MC2R: variants seen among roughly 807,000 people sequenced by gnomAD.
MC2R encodes the protein adrenocorticotropic hormone receptor.
A neutral mutation model predicts 9.8 loss-of-function variants in MC2R; 9 were observed. That is an observed-to-expected ratio of 0.92 (90% CI 0.55 to 1.60). The LOEUF is 1.60. Among genes scored for constraint, MC2R ranks in the 40% most tolerant of loss-of-function variants. The probability of loss-of-function intolerance (pLI) is 0.00; values close to 1 mark genes in which losing one functional copy is unlikely to be tolerated. For missense variants in MC2R, 370 were observed against 389.0 expected, an observed-to-expected ratio of 0.95 and a Z score of 0.41; for synonymous variants, 185 against 154.7, an observed-to-expected ratio of 1.20 and a Z score of -1.45.
At chr18:13,885,888 C>T (rs777418558) in intron 1 of MC2R, among the ~76,000 whole-genome samples, 11 of 152,152 alleles carry the variant, frequency 7.2e-5, no homozygotes, top group African/African-American at 2.4e-4. Flanking sequence ...CAATGGAGTA[C>T]TCCCCAGCTA....
rs181720286 is a variant in MC2R at position 13,902,213 on chromosome 18, A to C, written c.-129+13275T>G. On this transcript the variant is annotated intron_variant, in intron 1 of 1. Coordinates refer to ENST00000327606, the MANE Select transcript of MC2R (RefSeq NM_000529.2). The stretch of plus-strand genomic sequence containing the variant: ...AAAATCCAACATCTCTTTATAATAA[A>C]ACCATCAAAAAAACTGGGTAGAGAA... Among the ~76,000 whole-genome samples the C allele has an allele frequency of 2.8e-4, 42 of 152,310 alleles. 1 individual carries two copies. In the East Asian group the frequency reaches 7.1e-3, roughly 26 times the overall value.
At chr18:13,898,365 C>T (rs1026138468) in intron 1 of MC2R, among the ~76,000 whole-genome samples, 2 of 152,202 alleles carry the variant, frequency 1.3e-5, no homozygotes, top group East Asian at 3.9e-4. Context: ...GACAATAGAA[C>T]ACTAGGTAGA....
At chr18:13,892,875 G>A (rs1394394664) in intron 1 of MC2R, among the ~76,000 whole-genome samples, 2 of 151,534 alleles carry the variant, frequency 1.3e-5, no homozygotes, top group African/African-American at 4.9e-5. Context: ...TGCCCAGGCT[G>A]GAATACAGTG....
intron 1 of MC2R, among the ~76,000 whole-genome samples, chr18:13,907,590 A>C (rs1205492071): frequency 6.6e-6 from 1 of 152,222 alleles, no homozygotes; most frequent in African/African-American, 2.4e-5. Context: ...GAGACAACTC[A>C]CAGAATGGGA....
chr18:13,896,678 A>C (rs530801806), intron 1 of MC2R, among the ~76,000 whole-genome samples: 1 of 152,336 alleles, frequency 6.6e-6, no homozygotes, highest in East Asian at 1.9e-4. Context: ...GTTATCACTA[A>C]ATATCTGGAG....
intron 1 of MC2R, among the ~76,000 whole-genome samples, chr18:13,890,675 T>G (rs2045310648): frequency 6.6e-6 from 1 of 152,188 alleles, no homozygotes; most frequent in South Asian, 2.1e-4. Context: ...TTGCATAAGT[T>G]GTACGGCCCA....
At chr18:13,888,930 G>A (rs541053750) in intron 1 of MC2R, among the ~76,000 whole-genome samples, 9 of 152,308 alleles carry the variant, frequency 5.9e-5, no homozygotes, top group East Asian at 1.9e-4. Context: ...ATTCAAAGCC[G>A]TCTGCTGTCC....
At chr18:13,911,345 C>T (rs986839683) in intron 1 of MC2R, among the ~76,000 whole-genome samples, 1 of 152,216 alleles carries the variant, frequency 6.6e-6, no homozygotes, top group Non-Finnish European at 1.5e-5. Flanking sequence ...TTCTTCCCTG[C>T]ACAGTCCCAT....
intron 1 of MC2R, among the ~76,000 whole-genome samples, chr18:13,899,626 A>G (rs1390994322): frequency 2.0e-5 from 3 of 152,208 alleles, no homozygotes; most frequent in African/African-American, 7.2e-5. Flanking sequence ...AAGAGAAAAG[A>G]AACAACAGTG....
At chr18:13,904,167 G>A (rs2045397278) in intron 1 of MC2R, among the ~76,000 whole-genome samples, 1 of 150,936 alleles carries the variant, frequency 6.6e-6, no homozygotes, top group African/African-American at 2.4e-5. Context: ...AAGGTCAGGA[G>A]ATCAAGACCA....
At chr18:13,900,715 A>G (rs1204155978) in intron 1 of MC2R, among the ~76,000 whole-genome samples, 1 of 152,128 alleles carries the variant, frequency 6.6e-6, no homozygotes, top group Non-Finnish European at 1.5e-5. Flanking sequence ...TTTTAAATAT[A>G]TGCACCTGAG....
chr18:13,898,560 C>T (rs901125163), intron 1 of MC2R, among the ~76,000 whole-genome samples: 2 of 152,218 alleles, frequency 1.3e-5, no homozygotes, highest in Admixed American at 6.5e-5. Context: ...TTACAGCAGG[C>T]CTGGGGTGAG....
intron 1 of MC2R, among the ~76,000 whole-genome samples, chr18:13,887,439 T>G (rs112965746): frequency 2.0e-3 from 194 of 96,706 alleles, no homozygotes; most frequent in Middle Eastern, 8.2e-3. Context: ...ATGGGAGGGG[T>G]CCTGTGTGCT....
At chr18:13,903,794 GAAT>G (rs1313813928) in intron 1 of MC2R, among the ~76,000 whole-genome samples, 1 of 151,982 alleles carries the variant, frequency 6.6e-6, no homozygotes, top group African/African-American at 2.4e-5. Context: ...TGACTATAGT[GAAT>G]AATAACTTAA....
intron 1 of MC2R, among the ~76,000 whole-genome samples, chr18:13,894,565 G>C (rs2045335771): frequency 6.6e-6 from 1 of 152,114 alleles, no homozygotes; most frequent in Non-Finnish European, 1.5e-5. Flanking sequence ...ACACAGTGTG[G>C]GTTCAATAAA....
intron 1 of MC2R, among the ~76,000 whole-genome samples, chr18:13,906,558 G>T (rs890443841): frequency 6.6e-6 from 1 of 151,398 alleles, no homozygotes; most frequent in Non-Finnish European, 1.5e-5. Context: ...TTTCTTAGAA[G>T]AAATAAAGAA....
At chr18:13,913,093 A>T (rs1220732913) in intron 1 of MC2R, among the ~76,000 whole-genome samples, 1 of 152,170 alleles carries the variant, frequency 6.6e-6, no homozygotes, top group Non-Finnish European at 1.5e-5. Context: ...ATGAATGACA[A>T]TGTGATCACA....
intron 1 of MC2R, among the ~76,000 whole-genome samples, chr18:13,904,092 A>T (rs915881223): frequency 6.6e-6 from 1 of 151,936 alleles, no homozygotes; most frequent in African/African-American, 2.4e-5. Flanking sequence ...AAATCATAAT[A>T]GGCCAGGCAC....
intron 1 of MC2R, among the ~76,000 whole-genome samples, chr18:13,914,564 T>A (rs546504141): frequency 7.2e-5 from 11 of 152,340 alleles, no homozygotes; most frequent in African/African-American, 2.4e-4. Context: ...GACCCCTTTG[T>A]ACCCCTTTCC....
Sources: allele counts gnomAD v4.1 joint callset (sites outside exome capture counted in the v4.1 genomes callset), GRCh38; gene constraint gnomAD v4.1.1; transcripts MANE v1.5; gene names NCBI Gene and HGNC (gene_info 2026-07-23, HGNC 2026-07-21).